The following TSPAN18 variants were observed in gnomAD, a reference collection of about 807,000 sequenced individuals.
TSPAN18 encodes the protein tetraspanin-18.
A neutral mutation model predicts 27.3 loss-of-function variants in TSPAN18; 14 were observed. The observed-to-expected ratio is 0.51, with a 90% CI of 0.34 to 0.80. The LOEUF is 0.80. Among genes scored for constraint, TSPAN18 ranks in the 30% least tolerant of loss-of-function variants. The pLI is 0.01. For synonymous variants in TSPAN18, 143 were observed against 136.5 expected, an observed-to-expected ratio of 1.05 and a Z score of -0.33; for missense variants, 268 against 323.9, an observed-to-expected ratio of 0.83 and a Z score of 1.32.
chr11:44,824,643 G>T (rs545162223), intron 2 of TSPAN18, among the ~76,000 whole-genome samples: 3 of 152,240 alleles, frequency 2.0e-5, no homozygotes, highest in Non-Finnish European at 2.9e-5. Flanking sequence ...AGGGGCCCAC[G>T]GGCCTGTGCC....
chr11:44,764,614 ATGTGAGAGGG>A (rs1427070868), intron 2 of TSPAN18, 102 bp downstream of exon 2: 1 of 152,262 alleles, frequency 6.6e-6, no homozygotes, highest in African/African-American at 2.4e-5. Flanking sequence ...CACCACTTCC[ATGTGAGAGGG>A]CTCTCAGCTC....
intron 2 of TSPAN18, among the ~76,000 whole-genome samples, chr11:44,792,172 A>C (rs1360275948): frequency 1.3e-5 from 2 of 152,214 alleles, no homozygotes. Context: ...TATATTAATT[A>C]TATATATCTA....
rs1002085749 is a variant in TSPAN18, at chr11:44,930,823, T to G, written c.*1645T>G. ...ACGGGCAGGGATGGAAGGAGCAGTG[T>G]GATGTCTGCTCTCTTCTCTCCCCTC... On this transcript the variant is annotated 3_prime_UTR_variant, in exon 10 of 10. Coordinates refer to ENST00000520358, the MANE Select transcript of TSPAN18 (RefSeq NM_130783.5). The G allele has an allele frequency of 2.1e-6, 1 of 486,608 alleles. No homozygotes were observed. The highest frequency in any genetic ancestry group is 2.3e-5 in the Admixed American group (1 of 44,170). The allele number at this position is 486,608 out of a possible 1,614,324, so 30.1% of individuals were successfully genotyped here.
Position 44,906,342 on chromosome 11 carries a change from G to A in TSPAN18, c.-10-65G>A, listed in dbSNP as rs536150874. 5.3e-5 allele frequency: 77 copies of A among 1,460,364 alleles called. No individual in the cohort carries two copies. In the African/African-American group the frequency reaches 9.9e-4, roughly 19 times the overall value. The allele number at this position is 1,460,364 out of a possible 1,614,324, so 90.5% of individuals were successfully genotyped here. On this transcript the variant is annotated intron_variant, in intron 3 of 9. Transcript: ENST00000520358. The stretch of plus-strand genomic sequence containing the variant: ...GCTGGCTGCGGGGAACCCCTGGGGA[G>A]GGGCTGGGGTTCTTCCTGGGTGGGG...
At chr11:44,770,292 G>A (rs1336117641) in intron 2 of TSPAN18, among the ~76,000 whole-genome samples, 1 of 152,172 alleles carries the variant, frequency 6.6e-6, no homozygotes, top group African/African-American at 2.4e-5. Context: ...GGTGGGTTGG[G>A]GGAGGATTGC....
intron 3 of TSPAN18, among the ~76,000 whole-genome samples, chr11:44,877,974 T>C (rs911227286): frequency 5.9e-5 from 9 of 151,876 alleles, no homozygotes; most frequent in African/African-American, 7.3e-5. Flanking sequence ...CCATATCTCC[T>C]GTGTGTGTGC....
intron 4 of TSPAN18, among the ~76,000 whole-genome samples, chr11:44,908,803 G>GAA (rs1202468980): frequency 8.6e-6 from 1 of 116,146 alleles, no homozygotes; most frequent in East Asian, 2.2e-4. Flanking sequence ...AAGAAAGAAA[G>GAA]AAAGAAAGAA....
intron 5 of TSPAN18, 109 bp downstream of exon 5, chr11:44,910,008 A>C: frequency 7.5e-7 from 1 of 1,327,006 alleles, no homozygotes; most frequent in Non-Finnish European, 1.0e-6. Context: ...TGCTTCCCAA[A>C]CTGGGGCGGG....
intron 2 of TSPAN18, among the ~76,000 whole-genome samples, chr11:44,835,347 A>T (rs1403002032): frequency 6.6e-6 from 1 of 152,258 alleles, no homozygotes; most frequent in Non-Finnish European, 1.5e-5. Context: ...CAGCATATCC[A>T]TATAGGGACT....
At chr11:44,790,234 T>C (rs1196785740) in intron 2 of TSPAN18, among the ~76,000 whole-genome samples, 1 of 150,822 alleles carries the variant, frequency 6.6e-6, no homozygotes, top group Non-Finnish European at 1.5e-5. Context: ...TGTCCATGTG[T>C]TTGTGTGTGC....
intron 1 of TSPAN18, among the ~76,000 whole-genome samples, chr11:44,759,714 C>T (rs1173167133): frequency 1.3e-5 from 2 of 152,206 alleles, no homozygotes; most frequent in African/African-American, 4.8e-5. Flanking sequence ...TTTCTCCTAG[C>T]AACTGTCTAT....
Position 44,869,160 on chromosome 11 carries a change from G to A in TSPAN18, c.-11+8691G>A, listed in dbSNP as rs940685489. Among the ~76,000 whole-genome samples, 19 of 152,244 alleles carry A rather than the reference G, an allele frequency of 1.2e-4. No homozygotes were observed. In the East Asian group the frequency reaches 3.7e-3, roughly 30 times the overall value. On this transcript the variant is annotated intron_variant, in intron 3 of 9. Transcript: ENST00000520358. ...GCAAGGATGTGTGGCCTTGCAGACTGGGCCGGGAGGGATTTTAAGGTGATC... is the reference window on the plus strand; with the variant it reads ...GCAAGGATGTGTGGCCTTGCAGACTAGGCCGGGAGGGATTTTAAGGTGATC...
intron 8 of TSPAN18, among the ~76,000 whole-genome samples, chr11:44,921,569 C>T: frequency 6.6e-6 from 1 of 152,166 alleles, no homozygotes; most frequent in East Asian, 1.9e-4. Flanking sequence ...GTGCCCACCC[C>T]TCCTTTTTTC....
intron 2 of TSPAN18, among the ~76,000 whole-genome samples, chr11:44,854,209 G>GT (rs923698866): frequency 8.2e-5 from 11 of 133,490 alleles, no homozygotes; most frequent in South Asian, 3.0e-4. Context: ...GTGGGGGGGG[G>GT]GGTTTGTGTG....
chr11:44,747,134 C>T (rs537056599), intron 1 of TSPAN18, among the ~76,000 whole-genome samples: 3 of 152,364 alleles, frequency 2.0e-5, no homozygotes, highest in East Asian at 3.9e-4. Context: ...CTGGTCACAG[C>T]GCCAGGCCCT....
intron 3 of TSPAN18, among the ~76,000 whole-genome samples, chr11:44,904,444 C>A (rs1479968080): frequency 2.0e-5 from 3 of 152,242 alleles, no homozygotes; most frequent in Admixed American, 1.3e-4. Flanking sequence ...GCACCTTAGC[C>A]ATGTCTGCCT....
intron 6 of TSPAN18, among the ~76,000 whole-genome samples, chr11:44,918,331 G>T (rs3816790): frequency 6.6e-6 from 1 of 151,994 alleles, no homozygotes; most frequent in Non-Finnish European, 1.5e-5. Context: ...CCTAGTAACG[G>T]CCCAGTGATA....
chr11:44,909,589 C>T (rs1414301811), intron 4 of TSPAN18, 116 bp from the exon 5 acceptor site: 3 of 1,034,516 alleles, frequency 2.9e-6, no homozygotes, highest in East Asian at 2.5e-5. Flanking sequence ...CTGCCTGGCT[C>T]ACCTAGTGCT....
intron 1 of TSPAN18, among the ~76,000 whole-genome samples, chr11:44,762,677 CCT>C (rs1195145747): frequency 1.3e-5 from 2 of 151,782 alleles, no homozygotes; most frequent in Non-Finnish European, 2.9e-5. Flanking sequence ...GTAACAAATT[CCT>C]CTGATTGTAG....
Sources: gnomAD v4.1 joint callset for allele counts (sites outside exome capture counted in the v4.1 genomes callset) on GRCh38, gnomAD v4.1.1 for gene constraint, MANE v1.5 for transcripts, NCBI Gene and HGNC (gene_info 2026-07-23, HGNC 2026-07-21) for gene names.